The following SDK2 variants were observed in gnomAD, a reference collection of about 807,000 sequenced individuals.
SDK2 encodes protein sidekick-2.
SDK2 carries 105 observed loss-of-function variants against 253.9 expected under a neutral mutation model. The ratio of observed to expected loss-of-function variants is 0.41; its 90% CI spans 0.35 to 0.49. The LOEUF (loss-of-function observed/expected upper bound fraction) is 0.49. Ranked by LOEUF, SDK2 falls within the 20% of genes least tolerant of loss-of-function variation. The pLI is 0.06. For missense variants in SDK2, 2,608 were observed against 3,003.0 expected, an observed-to-expected ratio of 0.87 and a Z score of 3.07; for synonymous variants, 1,249 against 1,234.9, an observed-to-expected ratio of 1.01 and a Z score of -0.24.
At chr17:73,532,989 C>T (rs1485022937) in intron 1 of SDK2, among the ~76,000 whole-genome samples, 7 of 152,174 alleles carry the variant, frequency 4.6e-5, no homozygotes, top group Non-Finnish European at 8.8e-5. Flanking sequence ...CATCAAAGGG[C>T]CCCTCTCCCC....
At position 73,405,958 on chromosome 17, in the gene SDK2, C is replaced by T. The variant is rs535842432; in HGVS notation, c.2485-3817G>A. Among the ~76,000 whole-genome samples the T allele has an allele frequency of 9.2e-5, 14 of 152,064 alleles. No homozygotes were observed. The South Asian group carries it at 2.5e-3, about 27-fold the overall frequency. ...CAGGATGGTCTCGATTTCCTGACCTCGTGATCCGCCTGCCTTGGCCTCCCA... is the reference window on the plus strand; with the variant it reads ...CAGGATGGTCTCGATTTCCTGACCTTGTGATCCGCCTGCCTTGGCCTCCCA... On this transcript the variant is annotated intron_variant, in intron 18 of 44. Transcript: ENST00000392650.
intron 2 of SDK2, among the ~76,000 whole-genome samples, chr17:73,501,242 GCACACA>G (rs34715004): frequency 3.4e-4 from 52 of 150,866 alleles, no homozygotes; most frequent in African/African-American, 1.2e-3. Flanking sequence ...GCATGTGCAT[GCACACA>G]CACACACACA....
chr17:73,589,716 G>A (rs1303063859), intron 1 of SDK2, among the ~76,000 whole-genome samples: 1 of 152,212 alleles, frequency 6.6e-6, no homozygotes, highest in Non-Finnish European at 1.5e-5. Context: ...CCCAAAGTGG[G>A]GTGTGAAATC....
intron 15 of SDK2, among the ~76,000 whole-genome samples, chr17:73,419,927 A>G (rs2063215951): frequency 6.6e-6 from 1 of 150,870 alleles, no homozygotes; most frequent in African/African-American, 2.4e-5. Flanking sequence ...CCGTTGAGGG[A>G]TGTAAGTTTC....
At chr17:73,575,810 G>A (rs2045450903) in intron 1 of SDK2, among the ~76,000 whole-genome samples, 1 of 152,242 alleles carries the variant, frequency 6.6e-6, no homozygotes, top group Admixed American at 6.5e-5. Flanking sequence ...CAGCGCTAGG[G>A]CTAGGAGAGG....
chr17:73,411,367 T>C (rs1480735117), intron 18 of SDK2, among the ~76,000 whole-genome samples: 1 of 152,224 alleles, frequency 6.6e-6, no homozygotes, highest in Non-Finnish European at 1.5e-5. Context: ...TTAATCTTAG[T>C]TGTGGCAAGC....
intron 33 of SDK2, among the ~76,000 whole-genome samples, chr17:73,382,577 G>A (rs1298904890): frequency 2.6e-5 from 4 of 152,242 alleles, no homozygotes; most frequent in East Asian, 3.8e-4. Context: ...CTGCTGTGCT[G>A]TAACGTGTTT....
At chr17:73,617,690 G>A (rs1385596663) in intron 1 of SDK2, among the ~76,000 whole-genome samples, 1 of 152,160 alleles carries the variant, frequency 6.6e-6, no homozygotes, top group Non-Finnish European at 1.5e-5. Flanking sequence ...TGGCTCTCCT[G>A]AACTCATAAA....
At chr17:73,525,114 C>A (rs951043612) in intron 1 of SDK2, among the ~76,000 whole-genome samples, 1 of 152,340 alleles carries the variant, frequency 6.6e-6, no homozygotes, top group East Asian at 1.9e-4. Flanking sequence ...GCCCACCCCT[C>A]CCCAGGGCAC....
At chr17:73,345,035 T>G (rs750624026) in intron 44 of SDK2, among the ~76,000 whole-genome samples, 21 of 152,194 alleles carry the variant, frequency 1.4e-4, no homozygotes, top group Non-Finnish European at 2.6e-4. Flanking sequence ...ACAGAAAGAC[T>G]TGGCCGGGTG....
intron 2 of SDK2, among the ~76,000 whole-genome samples, chr17:73,479,777 G>A (rs1248442362): frequency 6.6e-6 from 1 of 152,134 alleles, no homozygotes; most frequent in Non-Finnish European, 1.5e-5. Context: ...TGCAACCTCC[G>A]TCTCCTGGGT....
At chr17:73,397,607 C>A (rs115745302) in intron 24 of SDK2, among the ~76,000 whole-genome samples, 4 of 152,156 alleles carry the variant, frequency 2.6e-5, no homozygotes, top group Non-Finnish European at 4.4e-5. Context: ...CGGTCAGGAC[C>A]CTCAACACAC....
chr17:73,474,581 G>A (rs1599600987), intron 2 of SDK2, among the ~76,000 whole-genome samples: 1 of 152,196 alleles, frequency 6.6e-6, no homozygotes, highest in East Asian at 1.9e-4. Flanking sequence ...GCTCTTATCT[G>A]TCTCTTGCTA....
intron 44 of SDK2, among the ~76,000 whole-genome samples, chr17:73,340,799 A>G (rs1242493280): frequency 1.1e-5 from 1 of 89,632 alleles, no homozygotes; most frequent in Non-Finnish European, 2.1e-5. Context: ...GCTTGAGTGC[A>G]GTGGCACGAT....
At chr17:73,469,802 T>A (rs2063631102) in intron 3 of SDK2, among the ~76,000 whole-genome samples, 1 of 152,076 alleles carries the variant, frequency 6.6e-6, no homozygotes, top group Non-Finnish European at 1.5e-5. Context: ...AACACTGACC[T>A]CCCTTCCTTT....
At chr17:73,400,965 A>G (rs2145525064) in intron 21 of SDK2, 55 bp downstream of exon 21, 12 of 1,498,758 alleles carry the variant, frequency 8.0e-6, no homozygotes, top group Non-Finnish European at 1.1e-5. Context: ...GGCCTCTTGA[A>G]TGGGACGCTG....
At chr17:73,402,959 G>A (rs572280182) in intron 18 of SDK2, among the ~76,000 whole-genome samples, 4 of 152,032 alleles carry the variant, frequency 2.6e-5, no homozygotes, top group South Asian at 2.1e-4. Context: ...CACCATGCCC[G>A]GCTAATTTTT....
intron 3 of SDK2, among the ~76,000 whole-genome samples, chr17:73,469,985 C>CGCGT (rs1555585126): frequency 1.1e-5 from 1 of 92,818 alleles, no homozygotes; most frequent in Non-Finnish European, 2.4e-5. Context: ...TGCGACTGCG[C>CGCGT]GCGCGCGCAC....
At chr17:73,367,505 CT>C (rs58091810) in intron 37 of SDK2, among the ~76,000 whole-genome samples, 7,248 of 143,626 alleles carry the variant, frequency 0.05, 304 homozygotes, top group East Asian at 0.17. Context: ...GGCCTCTTGT[CT>C]TTTTTTTTTT....
Sources: gnomAD v4.1 joint callset for allele counts (sites outside exome capture counted in the v4.1 genomes callset) on GRCh38, gnomAD v4.1.1 for gene constraint, MANE v1.5 for transcripts, NCBI Gene and HGNC (gene_info 2026-07-23, HGNC 2026-07-21) for gene names.